CNTNAP2: variants seen among roughly 807,000 people sequenced by gnomAD.
CNTNAP2 encodes the protein contactin-associated protein-like 2.
A neutral mutation model predicts 155.2 loss-of-function variants in CNTNAP2; 98 were observed. That is an observed-to-expected ratio of 0.63 (90% CI 0.54 to 0.75). The LOEUF (loss-of-function observed/expected upper bound fraction) is 0.75. CNTNAP2 is among the 30% of genes least tolerant of loss of function. CNTNAP2 has a pLI of 0.00. For missense variants in CNTNAP2, 1,727 were observed against 1,688.1 expected (o/e 1.02, Z -0.40); for synonymous variants, 651 against 631.2 (o/e 1.03, Z -0.47).
intron 1 of CNTNAP2, among the ~76,000 whole-genome samples, chr7:146,736,471 C>T (rs1238683434): frequency 6.6e-6 from 1 of 152,066 alleles, no homozygotes; most frequent in African/African-American, 2.4e-5. Context: ...ATGTGTTTTA[C>T]CTGAACATTG....
At chr7:146,949,307 A>G (rs1797258884) in intron 3 of CNTNAP2, among the ~76,000 whole-genome samples, 1 of 152,206 alleles carries the variant, frequency 6.6e-6, no homozygotes, top group Middle Eastern at 3.2e-3. Context: ...CCCTATACGG[A>G]AACAGACCTC....
intron 1 of CNTNAP2, among the ~76,000 whole-genome samples, chr7:146,456,545 G>C (rs972627710): frequency 1.3e-5 from 2 of 152,090 alleles, no homozygotes; most frequent in South Asian, 4.1e-4. Context: ...CTGTTACTGA[G>C]AATAGAAATA....
chr7:146,684,678 GCCAGTTATTGA>G (rs1409645676), intron 1 of CNTNAP2, among the ~76,000 whole-genome samples: 7 of 129,394 alleles, frequency 5.4e-5, no homozygotes, highest in African/African-American at 1.9e-4. Flanking sequence ...ATTTAGCTCT[GCCAGTTATTGA>G]CTATGTGACC....
At chr7:146,513,001 T>C (rs952698286) in intron 1 of CNTNAP2, among the ~76,000 whole-genome samples, 1 of 151,938 alleles carries the variant, frequency 6.6e-6, no homozygotes, top group Non-Finnish European at 1.5e-5. Flanking sequence ...ACAATTGTTA[T>C]ATCCTCTTGC....
intron 1 of CNTNAP2, among the ~76,000 whole-genome samples, chr7:146,528,034 T>C (rs963890410): frequency 2.6e-4 from 39 of 152,184 alleles, no homozygotes; most frequent in Admixed American, 1.2e-3. Flanking sequence ...TGTCATTTTA[T>C]TGTCTTCTTT....
At chr7:147,605,672 A>G (rs1441231181) in intron 12 of CNTNAP2, among the ~76,000 whole-genome samples, 1 of 152,112 alleles carries the variant, frequency 6.6e-6, no homozygotes, top group South Asian at 2.1e-4. Flanking sequence ...TGTTTCTTTC[A>G]GAGGACCTGC....
At chr7:147,761,343 T>C (rs1797295634) in intron 13 of CNTNAP2, among the ~76,000 whole-genome samples, 1 of 152,218 alleles carries the variant, frequency 6.6e-6, no homozygotes, top group East Asian at 1.9e-4. Flanking sequence ...ATCACTTTCC[T>C]CTTTCCTGCT....
chr7:148,091,501 A>T (rs1803840061), intron 15 of CNTNAP2, among the ~76,000 whole-genome samples: 1 of 152,238 alleles, frequency 6.6e-6, no homozygotes, highest in African/African-American at 2.4e-5. Flanking sequence ...TGTATGGTCC[A>T]GAGAAGGCGA....
At chr7:146,916,865 G>A (rs909689120) in intron 3 of CNTNAP2, among the ~76,000 whole-genome samples, 6 of 152,022 alleles carry the variant, frequency 3.9e-5, no homozygotes, top group Non-Finnish European at 7.4e-5. Flanking sequence ...CTGAGTTTGG[G>A]TTTGGTTTGT....
At chr7:148,253,009 CATAGATAGATAGATAG>C (rs59679982) in intron 20 of CNTNAP2, among the ~76,000 whole-genome samples, 6 of 141,952 alleles carry the variant, frequency 4.2e-5, no homozygotes, top group Non-Finnish European at 6.0e-5. Context: ...TAGATAGATA[CATAGATAGATAGATAG>C]ATAGATAGAT....
intron 1 of CNTNAP2, among the ~76,000 whole-genome samples, chr7:146,470,774 C>A (rs1290549242): frequency 6.6e-6 from 1 of 151,884 alleles, no homozygotes; most frequent in East Asian, 1.9e-4. Flanking sequence ...TTCACCATGT[C>A]GGCCAGGATG....
At chr7:148,268,528 G>A (rs1317498017) in intron 21 of CNTNAP2, among the ~76,000 whole-genome samples, 2 of 152,010 alleles carry the variant, frequency 1.3e-5, no homozygotes, top group African/African-American at 2.4e-5. Flanking sequence ...GGTGGTGGGC[G>A]TCTGTAGTCC....
chr7:147,516,587 A>G lies in CNTNAP2; in HGVS notation c.1777+30546A>G, dbSNP rs556294801. Among the ~76,000 whole-genome samples, 147 of 147,714 alleles carry G rather than the reference A, an allele frequency of 1.0e-3. 1 individual carries two copies. Among genetic ancestry groups the G allele is most frequent in the African/African-American group, 3.6e-3 (145 of 39,942 alleles). On this transcript the variant is annotated intron_variant, in intron 11 of 23. Coordinates refer to ENST00000361727, the MANE Select transcript of CNTNAP2 (RefSeq NM_014141.6). ...CAATAGTTTTTCCCATTAGCTTACT[A>G]ATGTATGTGTATGAGACAGAGAGAG...
chr7:146,127,135 C>T (rs1797649109), intron 1 of CNTNAP2, among the ~76,000 whole-genome samples: 1 of 152,218 alleles, frequency 6.6e-6, no homozygotes, highest in Admixed American at 6.5e-5. Context: ...TTTGCAGTTT[C>T]TCTAACACAA....
chr7:147,201,980 G>A (rs761312860), intron 8 of CNTNAP2, among the ~76,000 whole-genome samples: 1 of 152,040 alleles, frequency 6.6e-6, no homozygotes, highest in Non-Finnish European at 1.5e-5. Context: ...ACAATAGAAC[G>A]AATGTCCTTT....
chr7:146,638,668 G>T lies in CNTNAP2; in HGVS notation c.98-135603G>T, dbSNP rs560209184. ...CCTGGCTAATTTTTTTGTATTTTTA[G>T]TAGAGACGGGGTTTCACCGTGTTAG... is the stretch of plus-strand genomic sequence containing the variant. On this transcript the variant is annotated intron_variant, in intron 1 of 23. Transcript: ENST00000361727. Among the ~76,000 whole-genome samples, 420 of 151,362 alleles carry T rather than the reference G, an allele frequency of 2.8e-3. 1 individual carries two copies. The highest frequency in any genetic ancestry group is 4.8e-3 in the Admixed American group (73 of 15,192).
At chr7:146,831,404 C>A (rs1000257790) in intron 2 of CNTNAP2, among the ~76,000 whole-genome samples, 1 of 152,008 alleles carries the variant, frequency 6.6e-6, no homozygotes, top group Non-Finnish European at 1.5e-5. Flanking sequence ...ACAGGCCAGG[C>A]GTGGTGGCTC....
At chr7:147,005,965 T>C (rs1213325995) in intron 3 of CNTNAP2, among the ~76,000 whole-genome samples, 1 of 152,082 alleles carries the variant, frequency 6.6e-6, no homozygotes, top group Admixed American at 6.6e-5. Flanking sequence ...CTTTTTATTT[T>C]ACTTATTTTA....
chr7:147,821,812 A>C (rs1239529302), intron 13 of CNTNAP2, among the ~76,000 whole-genome samples: 2 of 152,186 alleles, frequency 1.3e-5, no homozygotes, highest in Admixed American at 6.5e-5. Context: ...TAGGGAAATG[A>C]TGAGGAATTT....
Sources: allele counts gnomAD v4.1 joint callset (sites outside exome capture counted in the v4.1 genomes callset), GRCh38; gene constraint gnomAD v4.1.1; transcripts MANE v1.5; gene names NCBI Gene and HGNC (gene_info 2026-07-23, HGNC 2026-07-21).